RGS6: variants seen among roughly 807,000 people sequenced by gnomAD.
The protein encoded by RGS6 is regulator of G-protein signaling 6.
In RGS6, 30 loss-of-function variants were observed where a neutral mutation model predicts 78.5. The ratio of observed to expected loss-of-function variants is 0.38; its 90% CI spans 0.29 to 0.52. The LOEUF is 0.52. Ranked by LOEUF, RGS6 falls within the 20% of genes least tolerant of loss-of-function variation. The pLI is 0.85. For missense variants in RGS6, 495 were observed against 609.7 expected, an observed-to-expected ratio of 0.81 and a Z score of 1.98; for synonymous variants, 206 against 206.0, an observed-to-expected ratio of 1.00 and a Z score of 0.00.
intron 2 of RGS6, among the ~76,000 whole-genome samples, chr14:72,072,249 C>T (rs2153457293): frequency 6.6e-6 from 1 of 151,986 alleles, no homozygotes; most frequent in South Asian, 2.1e-4. Flanking sequence ...ATCTAAAACC[C>T]TCATTTTATT....
intron 2 of RGS6, among the ~76,000 whole-genome samples, chr14:72,332,614 C>A (rs906156676): frequency 1.3e-5 from 2 of 152,128 alleles, no homozygotes; most frequent in Non-Finnish European, 2.9e-5. Context: ...TACCCTGGTG[C>A]AGGGAACGGA....
At chr14:72,255,391 A>G (rs1434594931) in intron 2 of RGS6, among the ~76,000 whole-genome samples, 1 of 152,198 alleles carries the variant, frequency 6.6e-6, no homozygotes. Context: ...GGGTGAAGAC[A>G]GTATAGAATA....
At chr14:72,045,153 A>G (rs191294410) in intron 2 of RGS6, among the ~76,000 whole-genome samples, 1 of 152,228 alleles carries the variant, frequency 6.6e-6, no homozygotes, top group Admixed American at 6.5e-5. Flanking sequence ...TTGTCTATCT[A>G]TTTATCCTAT....
At chr14:72,388,265 T>C (rs1240694960) in intron 3 of RGS6, among the ~76,000 whole-genome samples, 1 of 152,022 alleles carries the variant, frequency 6.6e-6, no homozygotes, top group Admixed American at 6.6e-5. Flanking sequence ...TATATACACA[T>C]ATACACATAT....
intron 2 of RGS6, among the ~76,000 whole-genome samples, chr14:71,998,028 G>A (rs2082721803): frequency 6.6e-6 from 1 of 152,182 alleles, no homozygotes; most frequent in South Asian, 2.1e-4. Context: ...CTGACGACGT[G>A]CTCAAGCTGG....
intron 1 of RGS6, among the ~76,000 whole-genome samples, chr14:71,936,022 A>ATATATATATGTG (rs1273602564): frequency 8.2e-6 from 1 of 122,010 alleles, no homozygotes; most frequent in African/African-American, 3.2e-5. Context: ...TAGGATATAT[A>ATATATATATGTG]TATATATATA....
intron 2 of RGS6, among the ~76,000 whole-genome samples, chr14:72,226,638 A>G (rs1316715566): frequency 1.3e-5 from 2 of 152,182 alleles, no homozygotes. Context: ...ATCCCAGCCC[A>G]CATATCCTGA....
intron 2 of RGS6, among the ~76,000 whole-genome samples, chr14:72,217,243 C>T (rs1314403013): frequency 6.6e-6 from 1 of 152,176 alleles, no homozygotes; most frequent in East Asian, 1.9e-4. Context: ...AGTTTGAGAA[C>T]ACCCAAAACT....
chr14:72,460,075 C>G (rs1051563440), intron 6 of RGS6, among the ~76,000 whole-genome samples: 10 of 152,148 alleles, frequency 6.6e-5, no homozygotes, highest in African/African-American at 2.2e-4. Flanking sequence ...CCTTTCTGTT[C>G]TCATAGACTT....
chr14:71,874,480 G>T, the RGS6 span, among the ~76,000 whole-genome samples: 1 of 152,122 alleles, frequency 6.6e-6, no homozygotes, highest in Non-Finnish European at 1.5e-5. Flanking sequence ...TGTGATTTTT[G>T]CACATTGATT....
intron 3 of RGS6, among the ~76,000 whole-genome samples, chr14:72,374,377 A>G (rs564960147): frequency 1.2e-4 from 18 of 152,268 alleles, no homozygotes; most frequent in African/African-American, 4.3e-4. Context: ...GCTGAGAATG[A>G]TGGTTTCCAG....
chr14:72,321,192 G>T (rs549847629), intron 2 of RGS6, among the ~76,000 whole-genome samples: 101 of 151,894 alleles, frequency 6.6e-4, no homozygotes, highest in African/African-American at 2.3e-3. Flanking sequence ...GCTAAATAAG[G>T]GTTAGTTACA....
chr14:72,210,139 A>G (rs183859207), intron 2 of RGS6, among the ~76,000 whole-genome samples: 1 of 152,302 alleles, frequency 6.6e-6, no homozygotes, highest in East Asian at 1.9e-4. Flanking sequence ...AGATGGAGAA[A>G]ATTATCTAAT....
chr14:72,233,237 T>C (rs761945187), intron 2 of RGS6, among the ~76,000 whole-genome samples: 1 of 152,146 alleles, frequency 6.6e-6, no homozygotes, highest in Non-Finnish European at 1.5e-5. Flanking sequence ...TTCCCTATCA[T>C]TGGAGGTATC....
chr14:72,497,849 T>C (rs2096665602), intron 13 of RGS6, among the ~76,000 whole-genome samples: 1 of 130,398 alleles, frequency 7.7e-6, no homozygotes, highest in Non-Finnish European at 1.5e-5. Flanking sequence ...TTTTAAAAAT[T>C]ATTGCTGCTT....
rs1239130342 is a variant in RGS6 at position 71,980,760 on chromosome 14, G to T, written c.84+15885G>T. 5.7e-3 allele frequency among the ~76,000 whole-genome samples: 450 copies of T among 79,536 alleles called. 8 individuals are homozygous for T. The highest frequency in any genetic ancestry group is 0.021 in the African/African-American group (425 of 20,226). 52.2% of individuals were successfully genotyped at this position (79,536 alleles called of 152,430 possible). On this transcript the variant is annotated intron_variant, in intron 2 of 17. Transcript: ENST00000553525. ...GTGTCTTGGAGTTGCTCTTCTCGAG[G>T]AGTATCTTTGTGGCGTTCTCTGTAT...
chr14:71,899,496 G>A, the RGS6 span, among the ~76,000 whole-genome samples: 2 of 152,112 alleles, frequency 1.3e-5, no homozygotes, highest in Non-Finnish European at 2.9e-5. Flanking sequence ...GTTTAGGTAC[G>A]GTACACTCAA....
intron 2 of RGS6, among the ~76,000 whole-genome samples, chr14:72,313,234 C>A (rs976794047): frequency 1.3e-5 from 2 of 152,162 alleles, no homozygotes; most frequent in Non-Finnish European, 1.5e-5. Flanking sequence ...TTTTCTGGGC[C>A]CAGTGCAAAA....
At chr14:72,467,487 A>G (rs796382670) in intron 7 of RGS6, among the ~76,000 whole-genome samples, 4 of 152,164 alleles carry the variant, frequency 2.6e-5, no homozygotes, top group African/African-American at 9.6e-5. Context: ...CAAGCCTACC[A>G]AGCCTACCAA....
Sources: allele counts gnomAD v4.1 joint callset (sites outside exome capture counted in the v4.1 genomes callset), GRCh38; gene constraint gnomAD v4.1.1; transcripts MANE v1.5; gene names NCBI Gene and HGNC (gene_info 2026-07-23, HGNC 2026-07-21).